TUSC2: variants seen among roughly 807,000 people sequenced by gnomAD.
TUSC2 encodes tumor suppressor 2, mitochondrial calcium regulator.
A neutral mutation model predicts 11.5 loss-of-function variants in TUSC2; 7 were observed. The ratio of observed to expected loss-of-function variants is 0.61; its 90% CI spans 0.35 to 1.14. The LOEUF is 1.14. TUSC2 is among the 50% of genes most tolerant of loss of function. The pLI, the probability that TUSC2 is intolerant of heterozygous loss-of-function variation, is 0.03. For synonymous variants in TUSC2, 61 were observed against 64.1 expected (o/e 0.95, Z 0.23); for missense variants, 132 against 155.0 (o/e 0.85, Z 0.79).
At position 50,325,923 on chromosome 3, in the gene TUSC2, A is replaced by C; in HGVS notation, c.*198T>G. On this transcript the variant is annotated 3_prime_UTR_variant, in exon 3 of 3. Transcript: ENST00000232496. This position sits in a 1 kb window ranked among gnomAD's most constrained non-coding sequence, Gnocchi z 5.1. Reference sequence around the variant, plus strand: ...TGCCATTAGCCTTCACCACCCACCAACCACCTCTTGTCCACACACAAACCA... The same window carrying C: ...TGCCATTAGCCTTCACCACCCACCACCCACCTCTTGTCCACACACAAACCA... 1 of 673,750 alleles carries C rather than the reference A, an allele frequency of 1.5e-6. No homozygotes were observed. The highest frequency in any genetic ancestry group is 2.0e-5 in the South Asian group (1 of 50,786). 41.7% of individuals were successfully genotyped at this position (673,750 alleles called of 1,614,324 possible).
intron 1 of TUSC2, among the ~76,000 whole-genome samples, 181 bp from the exon 2 acceptor site, chr3:50,326,658 C>T (rs1049351563): frequency 6.6e-6 from 1 of 152,002 alleles, no homozygotes; most frequent in Admixed American, 6.5e-5. Flanking sequence ...ACTCTGTTGC[C>T]CAGGCTGGAG....
Position 50,328,007 on chromosome 3 carries a change from A to G in TUSC2, c.93T>C (p.Ala31=), listed in dbSNP as rs374322463. The G allele has an allele frequency of 9.1e-6, 14 of 1,533,156 alleles. No homozygotes were observed. The African/African-American group carries it at 2.0e-4, about 22-fold the overall frequency. The allele number at this position is 1,533,156 out of a possible 1,614,324, so 95.0% of individuals were successfully genotyped here. The change falls in exon 1 of 3, where the codon GCT becomes GCC. Residue 31 remains alanine (A), a synonymous_variant. Transcript: ENST00000232496. Reference sequence around the variant, plus strand: ...CAGCTCGGCCCCGAGGCCGCACCAAAGCTTGCTCAGCTCCTGCTGCCTCTG... The same window carrying G: ...CAGCTCGGCCCCGAGGCCGCACCAAGGCTTGCTCAGCTCCTGCTGCCTCTG... ...GGSEAAGAEQ[A]LVRPRGRAVP...
Position 50,328,215 on chromosome 3 carries a change from G to T in TUSC2, c.-116C>A. 8.2e-7 allele frequency: 1 copy of T among 1,218,016 alleles called. No individual in the cohort carries two copies. Among genetic ancestry groups the T allele is most frequent in the Non-Finnish European group, 1.1e-6 (1 of 948,374 alleles). 75.5% of individuals were successfully genotyped at this position (1,218,016 alleles called of 1,614,324 possible). A position where few individuals can be genotyped will look rare whatever the true frequency, so the allele number is the denominator to read the frequency against. ...GGTGCCGCCGCCGCCGCCTTCCGCAGGCTCGGCTGTCTCCACGGAAACCTC... is the reference window on the plus strand; with the variant it reads ...GGTGCCGCCGCCGCCGCCTTCCGCATGCTCGGCTGTCTCCACGGAAACCTC... On this transcript the variant is annotated 5_prime_UTR_variant, in exon 1 of 3. The change creates a new upstream start codon in the 5' untranslated region. Coordinates refer to ENST00000232496, the MANE Select transcript of TUSC2 (RefSeq NM_007275.3).
In TUSC2 at chr3:50,325,806, C is replaced by T; in HGVS notation, c.*315G>A. ...CAGGCAAACTTGGAAGAAAGCAGACCAGGCAAGGAACCAGGTAACGGGCAT... is the reference window on the plus strand; with the variant it reads ...CAGGCAAACTTGGAAGAAAGCAGACTAGGCAAGGAACCAGGTAACGGGCAT... On this transcript the variant is annotated 3_prime_UTR_variant, in exon 3 of 3. Transcript: ENST00000232496. This position sits in a 1 kb window ranked among gnomAD's most constrained non-coding sequence, Gnocchi z 5.1. 1 of 410,472 alleles carries T rather than the reference C, an allele frequency of 2.4e-6. No individual in the cohort carries two copies. The highest frequency in any genetic ancestry group is 3.3e-5 in the South Asian group (1 of 29,962). The allele number at this position is 410,472 out of a possible 1,614,324, so 25.4% of individuals were successfully genotyped here.
Position 50,328,151 on chromosome 3 carries a change from A to T in TUSC2, c.-52T>A, listed in dbSNP as rs1013356687. 7.5e-7 allele frequency: 1 copy of T among 1,341,596 alleles called. No homozygotes were observed. Among genetic ancestry groups the T allele is most frequent in the African/African-American group, 1.5e-5 (1 of 64,870 alleles). The allele number at this position is 1,341,596 out of a possible 1,614,324, so 83.1% of individuals were successfully genotyped here. A position where few individuals can be genotyped will look rare whatever the true frequency, so the allele number is the denominator to read the frequency against. ...CCCGTGGCCGCTCTGCTCACACCGC[A>T]GTCCGCACTACCATAACCTGCCCCA... is the stretch of plus-strand genomic sequence containing the variant. On this transcript the variant is annotated 5_prime_UTR_variant, in exon 1 of 3. Transcript: ENST00000232496.
chr3:50,328,175 C>CA lies in TUSC2; in HGVS notation c.-77dup. 7.8e-7 allele frequency: 1 copy of CA among 1,288,994 alleles called. No individual in the cohort carries two copies. Among genetic ancestry groups the CA allele is most frequent in the Non-Finnish European group, 9.8e-7 (1 of 1,015,852 alleles). 79.8% of individuals were successfully genotyped at this position (1,288,994 alleles called of 1,614,324 possible). On this transcript the variant is annotated 5_prime_UTR_variant, in exon 1 of 3. Coordinates refer to ENST00000232496, the MANE Select transcript of TUSC2 (RefSeq NM_007275.3). ...CAGTCCGCACTACCATAACCTGCCCCAGCCGCTGATCGCAGGTGCCGCCGC... is the reference window on the plus strand; with the variant it reads ...CAGTCCGCACTACCATAACCTGCCCCAAGCCGCTGATCGCAGGTGCCGCCGC...
At chr3:50,327,928 C>G (rs75434794) in intron 1 of TUSC2, 26 bp downstream of exon 1, 1 of 1,440,480 alleles carries the variant, frequency 6.9e-7, no homozygotes, top group South Asian at 1.4e-5. Flanking sequence ...CTGTTCCCCC[C>G]GCCAGGGTGG....
rs1575535870 is a variant in TUSC2, at chr3:50,328,057, C to A, written c.43G>T (p.Ala15Ser). 4 of 1,491,636 alleles carry A rather than the reference C, an allele frequency of 2.7e-6. No homozygotes were observed. Among genetic ancestry groups the A allele is most frequent in the East Asian group, 5.6e-5 (2 of 36,016 alleles). 92.4% of individuals were successfully genotyped at this position (1,491,636 alleles called of 1,614,324 possible). A position where few individuals can be genotyped will look rare whatever the true frequency, so the allele number is the denominator to read the frequency against. ...GSKARGLWPF[A>S]SAAGGGGSEA... ...GAGCCGCCGCCTCCGGCCGCCGAGG[C>A]GAAGGGCCACAGGCCCCGAGCTTTG... Residue 15 changes from alanine to serine, a missense_variant, in exon 1 of 3, where the codon GCC becomes TCC. By Grantham distance (99) the Ala-to-Ser change is moderately conservative (BLOSUM62 1). Coordinates refer to ENST00000232496, the MANE Select transcript of TUSC2 (RefSeq NM_007275.3).
At chr3:50,327,318 C>T (rs1375042184) in intron 1 of TUSC2, 4 of 448,688 alleles carry the variant, frequency 8.9e-6, no homozygotes, top group African/African-American at 4.0e-5. Context: ...TTCCTGGTGT[C>T]TACAGCCAAA....
chr3:50,326,635 GAGAC>G, intron 1 of TUSC2, among the ~76,000 whole-genome samples, 158 bp from the exon 2 acceptor site: 1 of 151,906 alleles, frequency 6.6e-6, no homozygotes, highest in Admixed American at 6.5e-5. Context: ...AAAATTTTTC[GAGAC>G]AGAATCTCAC....
At chr3:50,326,295 C>G in intron 2 of TUSC2, 62 bp downstream of exon 2, 1 of 1,613,036 alleles carries the variant, frequency 6.2e-7, no homozygotes. Flanking sequence ...GACAACAGAT[C>G]CCATCTGGGT....
chr3:50,327,310 C>T, intron 1 of TUSC2: 2 of 451,940 alleles, frequency 4.4e-6, no homozygotes, highest in Admixed American at 4.7e-5. Context: ...GTTGGGTCTT[C>T]CTGGTGTCTA....
chr3:50,327,928 C>A lies in TUSC2; in HGVS notation c.146+26G>T, dbSNP rs75434794. The A allele has an allele frequency of 2.8e-6, 4 of 1,440,358 alleles. No individual in the cohort carries two copies. In the South Asian group the frequency reaches 5.7e-5, roughly 21 times the overall value. 89.2% of individuals were successfully genotyped at this position (1,440,358 alleles called of 1,614,324 possible). ...CGCCTGGCCGCCCGCCTGTTCCCCC[C>A]GCCAGGGTGGAACCCATGCCCTTAC... On this transcript the variant is annotated intron_variant, in intron 1 of 2. Transcript: ENST00000232496.
rs1473932913 is a variant in TUSC2 at position 50,325,720 on chromosome 3, G to C, written c.*401C>G. ...ACTTGTATACAGTGCCCACAGCCTA[G>C]GGGCTGGAAGAAAGCATACCTTGCT... On this transcript the variant is annotated 3_prime_UTR_variant, in exon 3 of 3. Transcript: ENST00000232496. This position sits in a 1 kb window ranked among gnomAD's most constrained non-coding sequence, Gnocchi z 5.1. 4.1e-6 allele frequency: 1 copy of C among 241,118 alleles called. No homozygotes were observed. Among genetic ancestry groups the C allele is most frequent in the Non-Finnish European group, 8.3e-6 (1 of 120,366 alleles). The allele number at this position is 241,118 out of a possible 1,614,324, so 14.9% of individuals were successfully genotyped here. A position where few individuals can be genotyped will look rare whatever the true frequency, so the allele number is the denominator to read the frequency against.
chr3:50,327,916 G>A (rs782755708), intron 1 of TUSC2, 38 bp downstream of exon 1: 64 of 1,399,648 alleles, frequency 4.6e-5, no homozygotes, highest in East Asian at 1.2e-4. Flanking sequence ...CTGGCCGCCC[G>A]CCTGTTCCCC....
chr3:50,326,590 G>T, intron 1 of TUSC2, 113 bp from the exon 2 acceptor site: 1 of 1,486,512 alleles, frequency 6.7e-7, no homozygotes, highest in Non-Finnish European at 9.1e-7. Context: ...GGGAAGAAAA[G>T]AGGATAATAT....
In TUSC2 at chr3:50,327,989, GC is replaced by G; in HGVS notation, c.110del (p.Gly37AlafsTer43). ...TGAATACGAAGGGGGGCACAGCTCG[GC>G]CCCGAGGCCGCACCAAAGCTTGCTC... ...GAEQALVRPR[G>X]RAVPPFVFTR... On this transcript the variant is annotated frameshift_variant, in exon 1 of 3. Coordinates refer to ENST00000232496, the MANE Select transcript of TUSC2 (RefSeq NM_007275.3). LOFTEE classifies it high-confidence loss of function. 6.5e-7 allele frequency: 1 copy of G among 1,539,454 alleles called. No individual in the cohort carries two copies. Among genetic ancestry groups the G allele is most frequent in the Non-Finnish European group, 8.7e-7 (1 of 1,146,036 alleles).
intron 2 of TUSC2, 80 bp from the exon 3 acceptor site, chr3:50,326,266 C>A: frequency 6.2e-7 from 1 of 1,611,890 alleles, no homozygotes; most frequent in Admixed American, 1.7e-5. Flanking sequence ...CCAGATCCCC[C>A]CGCAAAAGCC....
chr3:50,326,935 G>C (rs1702796045), intron 1 of TUSC2: 1 of 331,262 alleles, frequency 3.0e-6, no homozygotes, highest in Admixed American at 4.2e-5. Flanking sequence ...AGAATCCTTT[G>C]CCTGGGGTTT....
Sources: gnomAD v4.1 joint callset for allele counts (sites outside exome capture counted in the v4.1 genomes callset) on GRCh38, gnomAD v4.1.1 for gene constraint, Gnocchi (gnomAD v3.1) non-coding constraint, MANE v1.5 for transcripts, NCBI Gene and HGNC (gene_info 2026-07-23, HGNC 2026-07-21) for gene names.